UBE2G1: variants seen among roughly 807,000 people sequenced by gnomAD.
UBE2G1 encodes ubiquitin-conjugating enzyme E2 G1.
Under a neutral mutation model 22.7 loss-of-function variants are expected in UBE2G1, and 5 were observed. The observed-to-expected ratio is 0.22, with a 90% CI of 0.12 to 0.46. The LOEUF (loss-of-function observed/expected upper bound fraction) is 0.46, where lower values mean the gene tolerates loss of function less well. Among genes scored for constraint, UBE2G1 ranks in the 20% least tolerant of loss-of-function variants. UBE2G1 has a pLI of 0.99. For synonymous variants in UBE2G1, 74 were observed against 67.5 expected, an observed-to-expected ratio of 1.10 and a Z score of -0.47; for missense variants, 88 against 203.9, an observed-to-expected ratio of 0.43 and a Z score of 3.46.
intron 2 of UBE2G1, among the ~76,000 whole-genome samples, chr17:4,304,623 A>C (rs568624059): frequency 6.6e-6 from 1 of 152,168 alleles, no homozygotes; most frequent in African/African-American, 2.4e-5. Context: ...TAGTGACTAC[A>C]TGAGGGCTAA....
At chr17:4,345,222 ATTAC>A (rs1969755606) in intron 1 of UBE2G1, among the ~76,000 whole-genome samples, 1 of 152,114 alleles carries the variant, frequency 6.6e-6, no homozygotes, top group Non-Finnish European at 1.5e-5. Flanking sequence ...TCAGGGGGTT[ATTAC>A]TTTGTTTGAG....
At chr17:4,334,894 C>T (rs1362707901) in intron 1 of UBE2G1, among the ~76,000 whole-genome samples, 1 of 151,998 alleles carries the variant, frequency 6.6e-6, no homozygotes, top group Non-Finnish European at 1.5e-5. Context: ...GAAAGAGCAA[C>T]TCACAGACAT....
intron 3 of UBE2G1, among the ~76,000 whole-genome samples, chr17:4,294,842 G>A (rs556384345): frequency 6.6e-6 from 1 of 152,286 alleles, no homozygotes; most frequent in African/African-American, 2.4e-5. Flanking sequence ...GGTCAAGGCT[G>A]CAGTGAGCTG....
chr17:4,333,595 G>A (rs943704326), intron 1 of UBE2G1, among the ~76,000 whole-genome samples: 1 of 152,132 alleles, frequency 6.6e-6, no homozygotes, highest in African/African-American at 2.4e-5. Context: ...GCTGAGGCGG[G>A]TGGATCACAG....
At chr17:4,362,841 G>A (rs1486184064) in intron 1 of UBE2G1, among the ~76,000 whole-genome samples, 2 of 152,150 alleles carry the variant, frequency 1.3e-5, no homozygotes, top group South Asian at 2.1e-4. Context: ...CAGTCTGGGT[G>A]AAAGGTGGTG....
intron 1 of UBE2G1, among the ~76,000 whole-genome samples, chr17:4,356,020 T>C (rs1250633572): frequency 1.4e-5 from 2 of 143,678 alleles, no homozygotes; most frequent in Non-Finnish European, 3.0e-5. Flanking sequence ...TCTTTATTCC[T>C]TTACTTTCTT....
intron 3 of UBE2G1, among the ~76,000 whole-genome samples, chr17:4,294,415 CAAAAA>C (rs68047533): frequency 0.018 from 2,048 of 116,522 alleles, 17 homozygotes; most frequent in African/African-American, 0.087. Flanking sequence ...GACTCCGTCT[CAAAAA>C]AAAAAAAAAA....
intron 1 of UBE2G1, among the ~76,000 whole-genome samples, chr17:4,315,004 T>C (rs1381992167): frequency 6.6e-6 from 1 of 152,222 alleles, no homozygotes; most frequent in Admixed American, 6.5e-5. Context: ...AATGAGACAT[T>C]AGACAATATC....
chr17:4,347,010 G>A (rs1299508484), intron 1 of UBE2G1, among the ~76,000 whole-genome samples: 6 of 151,774 alleles, frequency 4.0e-5, no homozygotes, highest in Admixed American at 2.0e-4. Context: ...AAAATTAGCC[G>A]GGCATGGTGG....
At chr17:4,334,674 G>C (rs1359253030) in intron 1 of UBE2G1, among the ~76,000 whole-genome samples, 2 of 152,040 alleles carry the variant, frequency 1.3e-5, no homozygotes, top group Non-Finnish European at 2.9e-5. Context: ...CGAGTAGCTA[G>C]GATTACAGGC....
chr17:4,279,637 C>T (rs956414558), intron 5 of UBE2G1, among the ~76,000 whole-genome samples: 19 of 151,696 alleles, frequency 1.3e-4, no homozygotes, highest in African/African-American at 4.4e-4. Context: ...AGGCCAGGTG[C>T]GGTGGCTCAT....
chr17:4,287,248 G>A lies in UBE2G1; in HGVS notation c.426+1982C>T, dbSNP rs547055465. On this transcript the variant is annotated intron_variant, in intron 4 of 5. Transcript: ENST00000396981. ...GTCTCCCAAGCAGCTGGGATTACAGGCGCCTGCCACCACGCCTGGCTAATT... is the reference window on the plus strand; with the variant it reads ...GTCTCCCAAGCAGCTGGGATTACAGACGCCTGCCACCACGCCTGGCTAATT... Among the ~76,000 whole-genome samples the A allele has an allele frequency of 2.6e-4, 40 of 152,092 alleles. 1 individual carries two copies. The East Asian group carries it at 7.6e-3, about 29-fold the overall frequency.
At chr17:4,301,862 G>A (rs530780012) in intron 2 of UBE2G1, 6 of 502,160 alleles carry the variant, frequency 1.2e-5, no homozygotes, top group Admixed American at 1.1e-4. Context: ...CATGAACTTC[G>A]TGAGTTGGCT....
At chr17:4,325,410 G>T (rs1350628344) in intron 1 of UBE2G1, among the ~76,000 whole-genome samples, 1 of 152,052 alleles carries the variant, frequency 6.6e-6, no homozygotes, top group Non-Finnish European at 1.5e-5. Context: ...TCTTAAAATT[G>T]TACATATTTA....
At chr17:4,294,624 A>T (rs771494809) in intron 3 of UBE2G1, among the ~76,000 whole-genome samples, 2 of 152,128 alleles carry the variant, frequency 1.3e-5, no homozygotes, top group Non-Finnish European at 2.9e-5. Context: ...ACAGATAGAA[A>T]ACATAGGCCT....
chr17:4,359,659 CT>C (rs1489553600), intron 1 of UBE2G1, among the ~76,000 whole-genome samples: 1 of 152,154 alleles, frequency 6.6e-6, no homozygotes, highest in Non-Finnish European at 1.5e-5. Flanking sequence ...GGAGACCATC[CT>C]GGCCAACATG....
chr17:4,347,035 C>A (rs1211283083), intron 1 of UBE2G1, among the ~76,000 whole-genome samples: 1 of 151,972 alleles, frequency 6.6e-6, no homozygotes, highest in East Asian at 2.0e-4. Context: ...TGCTTGTAAT[C>A]TCAGCCACTC....
At chr17:4,320,552 G>A (rs1000203414) in intron 1 of UBE2G1, among the ~76,000 whole-genome samples, 10 of 152,238 alleles carry the variant, frequency 6.6e-5, no homozygotes, top group African/African-American at 2.4e-4. Flanking sequence ...CCCAACGTTG[G>A]GAGACATCTG....
At chr17:4,348,989 C>G (rs1334269538) in intron 1 of UBE2G1, among the ~76,000 whole-genome samples, 1 of 151,992 alleles carries the variant, frequency 6.6e-6, no homozygotes, top group Non-Finnish European at 1.5e-5. Context: ...GAGTTCAAGA[C>G]CAGCCTGGCC....
Sources: allele counts gnomAD v4.1 joint callset (sites outside exome capture counted in the v4.1 genomes callset), GRCh38; gene constraint gnomAD v4.1.1; transcripts MANE v1.5; gene names NCBI Gene and HGNC (gene_info 2026-07-23, HGNC 2026-07-21).